NCOR1: variants seen among roughly 807,000 people sequenced by gnomAD.
NCOR1 encodes the protein protein phosphatase 1, regulatory subunit 109.
In NCOR1, 63 loss-of-function variants were observed where a neutral mutation model predicts 288.1. The ratio of observed to expected loss-of-function variants is 0.22; its 90% CI spans 0.18 to 0.27. NCOR1 has a LOEUF of 0.27. Ranked by LOEUF, NCOR1 falls within the 10% of genes least tolerant of loss-of-function variation. The pLI is 1.00. For synonymous variants in NCOR1, 1,007 were observed against 1,065.9 expected (o/e 0.94, Z 1.08); for missense variants, 2,397 against 3,019.2 (o/e 0.79, Z 4.83).
intron 3 of NCOR1, among the ~76,000 whole-genome samples, chr17:16,174,417 G>T (rs2083701974): frequency 1.3e-5 from 2 of 152,132 alleles, no homozygotes; most frequent in Admixed American, 1.3e-4. Context: ...ACCTACAAAA[G>T]CATAATTTTC....
At chr17:16,154,015 C>CTTT (rs61436082) in intron 6 of NCOR1, among the ~76,000 whole-genome samples, 272 of 109,650 alleles carry the variant, frequency 2.5e-3, no homozygotes, top group African/African-American at 8.4e-3. Context: ...ATGCTATTTC[C>CTTT]TTTTTTTTTT....
At chr17:16,170,877 A>G (rs962176306) in intron 4 of NCOR1, among the ~76,000 whole-genome samples, 5 of 151,956 alleles carry the variant, frequency 3.3e-5, no homozygotes, top group Non-Finnish European at 7.4e-5. Flanking sequence ...ACATAGCAAT[A>G]AAACAAGGAC....
intron 16 of NCOR1, among the ~76,000 whole-genome samples, chr17:16,120,241 T>TATTCTG (rs2072702958): frequency 6.6e-6 from 1 of 152,174 alleles, no homozygotes. Flanking sequence ...CTCCAGCCTT[T>TATTCTG]ATTCTGTCTA....
At chr17:16,054,070 T>TAAAAAAAAAAAAAAAAA (rs752015595) in intron 40 of NCOR1, among the ~76,000 whole-genome samples, 1 of 72,106 alleles carries the variant, frequency 1.4e-5, no homozygotes, top group Non-Finnish European at 3.2e-5. Flanking sequence ...GACTTAAATG[T>TAAAAAAAAAAAAAAAAA]AAAAAAAAAA....
intron 3 of NCOR1, among the ~76,000 whole-genome samples, chr17:16,176,220 AAAAAAAG>A (rs896033817): frequency 2.0e-5 from 3 of 152,040 alleles, no homozygotes; most frequent in South Asian, 2.1e-4. Flanking sequence ...ACTCCATCTC[AAAAAAAG>A]AAAAAAGAAA....
At chr17:16,035,113 G>C (rs1302691723) in intron 44 of NCOR1, among the ~76,000 whole-genome samples, 169 bp from the exon 45 acceptor site, 1 of 152,202 alleles carries the variant, frequency 6.6e-6, no homozygotes, top group East Asian at 1.9e-4. Context: ...CAGAGATACT[G>C]AGGGTTTAGT....
intron 22 of NCOR1, 93 bp downstream of exon 22, chr17:16,091,770 C>T: frequency 6.3e-7 from 1 of 1,584,628 alleles, no homozygotes; most frequent in Non-Finnish European, 8.6e-7. Context: ...AGTTGGGAGG[C>T]TGACAACTTA....
At chr17:16,059,124 A>G (rs920753559) in intron 37 of NCOR1, among the ~76,000 whole-genome samples, 11 of 151,690 alleles carry the variant, frequency 7.3e-5, no homozygotes, top group Admixed American at 5.9e-4. Flanking sequence ...GGCAGAACAG[A>G]GAACAGATTT....
At chr17:16,092,666 TATATATATATATATATATATATATA>T (rs1567957030) in intron 21 of NCOR1, among the ~76,000 whole-genome samples, 4 of 14,304 alleles carry the variant, frequency 2.8e-4, no homozygotes, top group African/African-American at 5.4e-4. Context: ...TATATATATA[TATATATATATATATATATATATATA>T]TATATTTTTT....
At chr17:16,073,667 ATAT>A in intron 27 of NCOR1, 98 bp from the exon 28 acceptor site, 4 of 988,558 alleles carry the variant, frequency 4.0e-6, no homozygotes, top group Non-Finnish European at 5.3e-6. Flanking sequence ...AAAAATAATA[ATAT>A]TAAAACTTGT....
At chr17:16,044,836 T>C (rs1597774937) in intron 42 of NCOR1, 2 of 1,051,198 alleles carry the variant, frequency 1.9e-6, no homozygotes. Flanking sequence ...CTCCAGCAGC[T>C]GGTGCTGCAC....
At chr17:16,119,284 T>C in intron 17 of NCOR1, 139 bp downstream of exon 17, 1 of 558,902 alleles carries the variant, frequency 1.8e-6, no homozygotes, top group Non-Finnish European at 3.1e-6. Context: ...AAAAGAACTC[T>C]TAAAGTCACT....
At chr17:16,098,190 C>G (rs1173500800) in intron 21 of NCOR1, among the ~76,000 whole-genome samples, 177 bp downstream of exon 21, 3 of 152,172 alleles carry the variant, frequency 2.0e-5, no homozygotes, top group African/African-American at 7.2e-5. Context: ...TGTCAATATA[C>G]TTAACACACT....
chr17:16,035,023 T>A, intron 44 of NCOR1, 79 bp from the exon 45 acceptor site: 1 of 1,364,740 alleles, frequency 7.3e-7, no homozygotes. Flanking sequence ...TATATATTGC[T>A]AAATGAAAAA....
In NCOR1 at chr17:16,039,667, C is replaced by G. The variant is rs772022058; in HGVS notation, c.6734-13G>C. On this transcript the variant is annotated splice_polypyrimidine_tract_variant and intron_variant, in intron 43 of 45. Transcript: ENST00000268712. ...GAGCTAACTGAGCCTGAAAGAGAATCAAAAACATTTCCACTTATTTCTGAA... is the reference window on the plus strand; with the variant it reads ...GAGCTAACTGAGCCTGAAAGAGAATGAAAAACATTTCCACTTATTTCTGAA... 1 of 1,605,552 alleles carries G rather than the reference C, an allele frequency of 6.2e-7. No individual in the cohort carries two copies. Among genetic ancestry groups the G allele is most frequent in the Non-Finnish European group, 8.5e-7 (1 of 1,174,700 alleles).
At chr17:16,156,608 A>C (rs189384563) in intron 6 of NCOR1, among the ~76,000 whole-genome samples, 181 of 152,280 alleles carry the variant, frequency 1.2e-3, no homozygotes, top group African/African-American at 4.2e-3. Flanking sequence ...GGTTAGAAAC[A>C]ATCTTCAGTG....
At chr17:16,189,169 G>A (rs890090341) in intron 2 of NCOR1, among the ~76,000 whole-genome samples, 3 of 152,028 alleles carry the variant, frequency 2.0e-5, no homozygotes, top group Non-Finnish European at 4.4e-5. Flanking sequence ...CAAGGTGGGA[G>A]GGTTGCTTGA....
intron 3 of NCOR1, among the ~76,000 whole-genome samples, chr17:16,175,667 C>T (rs117595452): frequency 0.018 from 2,799 of 152,028 alleles, 56 homozygotes; most frequent in Non-Finnish European, 0.026. Context: ...GCAGGAGGAT[C>T]GCTTGATGCT....
intron 26 of NCOR1, among the ~76,000 whole-genome samples, chr17:16,078,091 C>G (rs912323405): frequency 6.6e-6 from 1 of 152,178 alleles, no homozygotes; most frequent in African/African-American, 2.4e-5. Context: ...TTTTACCCTT[C>G]CTTTAAGCAG....
Sources: gnomAD v4.1 joint callset for allele counts (sites outside exome capture counted in the v4.1 genomes callset) on GRCh38, gnomAD v4.1.1 for gene constraint, MANE v1.5 for transcripts, NCBI Gene and HGNC (gene_info 2026-07-23, HGNC 2026-07-21) for gene names.